The following NSUN6 variants were observed in gnomAD, a reference collection of about 807,000 sequenced individuals.
The protein encoded by NSUN6 is NOP2/Sun RNA methyltransferase 6.
Under a neutral mutation model 58.0 loss-of-function variants are expected in NSUN6, and 64 were observed. The observed-to-expected ratio is 1.10, with a 90% CI of 0.90 to 1.36. The LOEUF (loss-of-function observed/expected upper bound fraction) is 1.36, where lower values mean the gene tolerates loss of function less well. Ranked by LOEUF, NSUN6 falls within the 40% of genes most tolerant of loss-of-function variation. The pLI, the probability that NSUN6 is intolerant of heterozygous loss-of-function variation, is 0.00. For synonymous variants in NSUN6, 231 were observed against 193.9 expected, an observed-to-expected ratio of 1.19 and a Z score of -1.59; for missense variants, 701 against 550.1, an observed-to-expected ratio of 1.27 and a Z score of -2.74.
At chr10:18,636,166 C>G (rs765349786) in intron 3 of NSUN6, among the ~76,000 whole-genome samples, 1 of 151,954 alleles carries the variant, frequency 6.6e-6, no homozygotes, top group Non-Finnish European at 1.5e-5. Flanking sequence ...AAGAAAGTAA[C>G]GCAGTACATA....
At chr10:18,602,207 C>T (rs2057870403) in intron 6 of NSUN6, among the ~76,000 whole-genome samples, 1 of 149,676 alleles carries the variant, frequency 6.7e-6, no homozygotes, top group Non-Finnish European at 1.5e-5. Context: ...GGATTACAGG[C>T]ATGCACCACC....
At chr10:18,564,731 C>T (rs1412250841) in intron 8 of NSUN6, among the ~76,000 whole-genome samples, 2 of 150,918 alleles carry the variant, frequency 1.3e-5, no homozygotes, top group Non-Finnish European at 3.0e-5. Context: ...CCTTTCCATT[C>T]CCTTCCAGTC....
At chr10:18,655,260 C>G (rs556985564), upstream of NSUN6, 26 of 458,298 alleles carry the variant, frequency 5.7e-5, no homozygotes, top group African/African-American at 3.2e-4. Flanking sequence ...CCTGGGCAAT[C>G]TATATCTTTG....
At chr10:18,638,138 C>T (rs2059277253) in intron 3 of NSUN6, among the ~76,000 whole-genome samples, 1 of 152,048 alleles carries the variant, frequency 6.6e-6, no homozygotes, top group African/African-American at 2.4e-5. Flanking sequence ...AGGTGTTTAA[C>T]ATAATAAGAA....
intron 7 of NSUN6, among the ~76,000 whole-genome samples, chr10:18,590,099 G>T (rs1299569060): frequency 6.6e-6 from 1 of 151,890 alleles, no homozygotes; most frequent in East Asian, 1.9e-4. Flanking sequence ...AAAAAGTAGG[G>T]GTTGCAATCC....
chr10:18,580,993 C>T (rs535272723), intron 8 of NSUN6, among the ~76,000 whole-genome samples: 1 of 152,306 alleles, frequency 6.6e-6, no homozygotes, highest in East Asian at 1.9e-4. Context: ...AGAGGGCCAA[C>T]TGGGCGACTT....
At chr10:18,614,163 T>A (rs771461044) in intron 5 of NSUN6, among the ~76,000 whole-genome samples, 17 of 152,120 alleles carry the variant, frequency 1.1e-4, no homozygotes, top group Non-Finnish European at 2.4e-4. Flanking sequence ...TTCTCCATCA[T>A]AATGCACTGT....
Position 18,634,080 on chromosome 10 carries a change from G to C in NSUN6, c.311+8396C>G, listed in dbSNP as rs191712119. Among the ~76,000 whole-genome samples, 13 of 152,272 alleles carry C rather than the reference G, an allele frequency of 8.5e-5. No homozygotes were observed. In the East Asian group the frequency reaches 2.3e-3, roughly 27 times the overall value. ...ATGTAACTGTTTCCATTCAATGCAT[G>C]ATAAGCAGAAATAATTCATTCTGCA... On this transcript the variant is annotated intron_variant, in intron 3 of 10. Transcript: ENST00000377304.
chr10:18,558,294 G>C (rs940333653), intron 8 of NSUN6, among the ~76,000 whole-genome samples: 3 of 150,846 alleles, frequency 2.0e-5, no homozygotes, highest in Non-Finnish European at 3.0e-5. Flanking sequence ...GAAGGAAATG[G>C]AAGGGAGAAT....
intron 10 of NSUN6, among the ~76,000 whole-genome samples, chr10:18,547,705 A>AG (rs1286852984): frequency 4.6e-5 from 7 of 152,174 alleles, no homozygotes; most frequent in Admixed American, 1.3e-4. Context: ...TGGTCTTCTG[A>AG]TATCCCACAG....
intron 8 of NSUN6, among the ~76,000 whole-genome samples, chr10:18,573,505 C>G (rs753750780): frequency 6.6e-6 from 1 of 151,968 alleles, no homozygotes; most frequent in Non-Finnish European, 1.5e-5. Context: ...ATTCTACGTT[C>G]CATTCCATTC....
At chr10:18,631,964 A>G (rs933918186) in intron 3 of NSUN6, among the ~76,000 whole-genome samples, 4 of 152,296 alleles carry the variant, frequency 2.6e-5, no homozygotes, top group African/African-American at 9.6e-5. Flanking sequence ...CTAAGCGAAA[A>G]GAACAAAGCT....
intron 3 of NSUN6, among the ~76,000 whole-genome samples, chr10:18,623,726 C>T (rs2058689377): frequency 6.6e-6 from 1 of 152,180 alleles, no homozygotes; most frequent in East Asian, 1.9e-4. Flanking sequence ...GAAATAGCAA[C>T]CAACTTTGCT....
At chr10:18,614,155 C>T (rs1055573874) in intron 5 of NSUN6, among the ~76,000 whole-genome samples, 2 of 151,862 alleles carry the variant, frequency 1.3e-5, no homozygotes, top group African/African-American at 4.8e-5. Context: ...CTAATTCTTT[C>T]TCCATCATAA....
chr10:18,651,113 T>C lies in NSUN6; in HGVS notation c.75+16A>G, dbSNP rs987634337. The C allele has an allele frequency of 3.2e-6, 5 of 1,572,272 alleles. No individual in the cohort carries two copies. The highest frequency in any genetic ancestry group is 4.3e-6 in the Non-Finnish European group (5 of 1,168,516). On this transcript the variant is annotated intron_variant, in intron 1 of 10. Transcript: ENST00000377304. ...AGTTTTTGCAAAATATCAACTAACA[T>C]CTTTACTTGACCTACCTCCTTATTC...
rs1331436083 is a variant in NSUN6, at chr10:18,545,825, T to C, written c.*108A>G. On this transcript the variant is annotated 3_prime_UTR_variant, in exon 11 of 11. Coordinates refer to ENST00000377304, the MANE Select transcript of NSUN6 (RefSeq NM_182543.5). ...CAGCTGGCAGCCTTTTCTGTTTCCA[T>C]AGCAACCACATCATCATTCAGTTGG... 5 of 702,744 alleles carry C rather than the reference T, an allele frequency of 7.1e-6. No individual in the cohort carries two copies. The highest frequency in any genetic ancestry group is 2.6e-5 in the East Asian group (1 of 38,788). The allele number at this position is 702,744 out of a possible 1,614,324, so 43.5% of individuals were successfully genotyped here.
intron 6 of NSUN6, among the ~76,000 whole-genome samples, chr10:18,600,397 G>A (rs191183680): frequency 1.2e-4 from 19 of 152,232 alleles, no homozygotes; most frequent in African/African-American, 3.1e-4. Context: ...GGCCTAGGTC[G>A]GAGGACCGCT....
chr10:18,586,165 T>C, intron 7 of NSUN6, 72 bp from the exon 8 acceptor site: 1 of 1,247,680 alleles, frequency 8.0e-7, no homozygotes. Context: ...GTCATAAAAA[T>C]AATGAGAAAA....
intron 8 of NSUN6, among the ~76,000 whole-genome samples, chr10:18,578,955 T>C (rs2056786234): frequency 1.3e-5 from 2 of 152,220 alleles, no homozygotes; most frequent in Non-Finnish European, 2.9e-5. Context: ...TCACCACTTC[T>C]AATATTCTCA....
Sources: allele counts gnomAD v4.1 joint callset (sites outside exome capture counted in the v4.1 genomes callset), GRCh38; gene constraint gnomAD v4.1.1; transcripts MANE v1.5; gene names NCBI Gene and HGNC (gene_info 2026-07-23, HGNC 2026-07-21).